RNFT2: variants seen among roughly 807,000 people sequenced by gnomAD.
RNFT2 encodes the protein ring finger protein, transmembrane 2.
Under a neutral mutation model 53.0 loss-of-function variants are expected in RNFT2, and 36 were observed. The ratio of observed to expected loss-of-function variants is 0.68; its 90% CI spans 0.52 to 0.90. RNFT2 has a LOEUF of 0.90. Among genes scored for constraint, RNFT2 ranks in the 40% least tolerant of loss-of-function variants. The pLI is 0.00. For missense variants in RNFT2, 514 were observed against 585.6 expected (o/e 0.88, Z 1.26); for synonymous variants, 260 against 253.2 (o/e 1.03, Z -0.26).
At chr12:116,772,887 G>C (rs1873264453) in intron 6 of RNFT2, among the ~76,000 whole-genome samples, 1 of 152,056 alleles carries the variant, frequency 6.6e-6, no homozygotes, top group Non-Finnish European at 1.5e-5. Flanking sequence ...GGAGTGCAGT[G>C]GCACAATCTC....
intron 7 of RNFT2, among the ~76,000 whole-genome samples, chr12:116,793,574 G>A (rs1874352991): frequency 6.6e-6 from 1 of 152,152 alleles, no homozygotes; most frequent in Non-Finnish European, 1.5e-5. Flanking sequence ...CCATGACTCT[G>A]TCTCTTGCTC....
At chr12:116,847,828 T>G (rs1877697367) in intron 10 of RNFT2, among the ~76,000 whole-genome samples, 1 of 152,024 alleles carries the variant, frequency 6.6e-6, no homozygotes, top group African/African-American at 2.4e-5. Context: ...CGCCTGGCCC[T>G]CTCTCTTTTT....
At chr12:116,739,479 G>A (rs1163698287) in intron 1 of RNFT2, among the ~76,000 whole-genome samples, 4 of 152,192 alleles carry the variant, frequency 2.6e-5, no homozygotes, top group South Asian at 2.1e-4. Context: ...AAATAAATAA[G>A]CAAACATGAA....
At chr12:116,809,356 G>A (rs1206514171) in intron 7 of RNFT2, among the ~76,000 whole-genome samples, 1 of 152,172 alleles carries the variant, frequency 6.6e-6, no homozygotes, top group Admixed American at 6.6e-5. Flanking sequence ...CTTCCACTTC[G>A]TTGTGAGGTT....
At position 116,806,385 on chromosome 12, in the gene RNFT2, T is replaced by G. The variant is rs895522678; in HGVS notation, c.882+27037T>G. ...ACTGTCTCAAAAAAAAAAAAAAATATATATATATATATATAGATAGATAGA... is the reference window on the plus strand; with the variant it reads ...ACTGTCTCAAAAAAAAAAAAAAATAGATATATATATATATAGATAGATAGA... On this transcript the variant is annotated intron_variant, in intron 7 of 10. Coordinates refer to ENST00000257575, the MANE Select transcript of RNFT2 (RefSeq NM_001382266.1). 4.8e-3 allele frequency among the ~76,000 whole-genome samples: 527 copies of G among 108,846 alleles called. 3 individuals carry two copies. Among genetic ancestry groups the G allele is most frequent in the African/African-American group, 0.013 (339 of 26,920 alleles). 71.4% of individuals were successfully genotyped at this position (108,846 alleles called of 152,430 possible). A position where few individuals can be genotyped will look rare whatever the true frequency, so the allele number is the denominator to read the frequency against.
At chr12:116,814,098 T>C (rs1485447710) in intron 7 of RNFT2, among the ~76,000 whole-genome samples, 1 of 151,446 alleles carries the variant, frequency 6.6e-6, no homozygotes, top group African/African-American at 2.4e-5. Flanking sequence ...TCTCCAGGAG[T>C]AGATGATGAT....
chr12:116,802,717 G>C (rs1874857624), intron 7 of RNFT2, among the ~76,000 whole-genome samples: 1 of 152,162 alleles, frequency 6.6e-6, no homozygotes, highest in South Asian at 2.1e-4. Flanking sequence ...TGGACTTCTG[G>C]CCTCCAGATC....
At chr12:116,816,452 T>G (rs1875678053) in intron 7 of RNFT2, among the ~76,000 whole-genome samples, 1 of 152,090 alleles carries the variant, frequency 6.6e-6, no homozygotes, top group Non-Finnish European at 1.5e-5. Context: ...GATCGCGGCC[T>G]CCTCCTCCCC....
chr12:116,843,510 A>AG (rs1463318434), intron 10 of RNFT2, among the ~76,000 whole-genome samples: 4 of 150,122 alleles, frequency 2.7e-5, no homozygotes, highest in African/African-American at 4.9e-5. Flanking sequence ...AAAAAAAAAA[A>AG]AAAAACCCCA....
At chr12:116,741,989 A>T (rs1458251725) in intron 3 of RNFT2, among the ~76,000 whole-genome samples, 1 of 152,140 alleles carries the variant, frequency 6.6e-6, no homozygotes, top group African/African-American at 2.4e-5. Flanking sequence ...ACAAACATTG[A>T]GATCATAGCT....
intron 10 of RNFT2, among the ~76,000 whole-genome samples, chr12:116,841,818 A>AT (rs1565875981): frequency 6.5e-5 from 5 of 76,942 alleles, no homozygotes; most frequent in African/African-American, 3.8e-4. Context: ...TATATATATA[A>AT]AAATATATAT....
At chr12:116,796,185 A>C (rs1445361598) in intron 7 of RNFT2, among the ~76,000 whole-genome samples, 1 of 151,796 alleles carries the variant, frequency 6.6e-6, no homozygotes, top group Non-Finnish European at 1.5e-5. Context: ...CTGGGATTAC[A>C]GGTGTGAGCC....
intron 7 of RNFT2, among the ~76,000 whole-genome samples, chr12:116,780,230 T>A (rs1363342104): frequency 6.6e-6 from 1 of 152,204 alleles, no homozygotes; most frequent in Non-Finnish European, 1.5e-5. Flanking sequence ...ACTGTGTGAC[T>A]TAACATGGTG....
At chr12:116,742,261 GTTTCTTTTTT>G (rs1242048143) in intron 3 of RNFT2, among the ~76,000 whole-genome samples, 1 of 144,476 alleles carries the variant, frequency 6.9e-6, no homozygotes, top group Non-Finnish European at 1.5e-5. Flanking sequence ...TACCGAGGTG[GTTTCTTTTTT>G]TTTTTTTTTT....
In RNFT2 at chr12:116,775,278, A is replaced by AG. The variant is rs1405744940; in HGVS notation, c.729-3917_729-3916insG. On this transcript the variant is annotated intron_variant, in intron 6 of 10. Coordinates refer to ENST00000257575, the MANE Select transcript of RNFT2 (RefSeq NM_001382266.1). ...TCCCGTCTCAAAAAAAAAAAAAAAAAAGAGAGAGAGAAGAGCAACATAGCT... is the reference window on the plus strand; with the variant it reads ...TCCCGTCTCAAAAAAAAAAAAAAAAAGAGAGAGAGAGAAGAGCAACATAGCT... Among the ~76,000 whole-genome samples the AG allele has an allele frequency of 2.5e-3, 363 of 144,812 alleles. 1 individual carries two copies. The highest frequency in any genetic ancestry group is 1.0e-2 in the East Asian group (50 of 5,022).
At chr12:116,793,834 T>C (rs1874361347) in intron 7 of RNFT2, among the ~76,000 whole-genome samples, 1 of 152,188 alleles carries the variant, frequency 6.6e-6, no homozygotes, top group African/African-American at 2.4e-5. Flanking sequence ...ATATCTTTCC[T>C]AGCATATACC....
intron 7 of RNFT2, among the ~76,000 whole-genome samples, chr12:116,823,512 T>C (rs7313014): frequency 0.73 from 111,462 of 152,094 alleles, 43,532 homozygotes; most frequent in Non-Finnish European, 0.87. Context: ...GGCAAAACCC[T>C]GTCTCTACTA....
At chr12:116,841,830 T>C (rs866868706) in intron 10 of RNFT2, among the ~76,000 whole-genome samples, 4 of 29,596 alleles carry the variant, frequency 1.4e-4, no homozygotes, top group Non-Finnish European at 2.7e-4. Context: ...AATATATATA[T>C]ATAAATATAT....
intron 1 of RNFT2, among the ~76,000 whole-genome samples, chr12:116,739,713 G>C (rs1325230451): frequency 6.6e-6 from 1 of 152,198 alleles, no homozygotes; most frequent in Non-Finnish European, 1.5e-5. Context: ...TGGGTGGACA[G>C]GAGTGGGAAA....
Sources: gnomAD v4.1 joint callset for allele counts (sites outside exome capture counted in the v4.1 genomes callset) on GRCh38, gnomAD v4.1.1 for gene constraint, MANE v1.5 for transcripts, NCBI Gene and HGNC (gene_info 2026-07-23, HGNC 2026-07-21) for gene names.